The following RANGAP1 variants were observed in gnomAD, a reference collection of about 807,000 sequenced individuals.
RANGAP1 encodes the protein Ran GTPase activating protein 1.
In RANGAP1, 38 loss-of-function variants were observed where a neutral mutation model predicts 63.5. The observed-to-expected ratio is 0.60, with a 90% confidence interval of 0.46 to 0.78. RANGAP1 has a LOEUF of 0.78. RANGAP1 is among the 30% of genes least tolerant of loss of function. The pLI, the probability that RANGAP1 is intolerant of heterozygous loss-of-function variation, is 0.00. For synonymous variants in RANGAP1, 329 were observed against 310.5 expected (o/e 1.06, Z -0.63); for missense variants, 630 against 740.3 (o/e 0.85, Z 1.73).
intron 3 of RANGAP1, among the ~76,000 whole-genome samples, chr22:41,270,940 G>C (rs1255738477): frequency 1.2e-5 from 1 of 85,254 alleles, no homozygotes; most frequent in East Asian, 2.2e-4. Flanking sequence ...CTAATGAGCT[G>C]AACAGTCAGC....
intron 5 of RANGAP1, 111 bp from the exon 6 acceptor site, chr22:41,261,691 GTCAGGGGACGCAGGACTGCTAACAGC>G: frequency 2.2e-6 from 3 of 1,366,062 alleles, no homozygotes; most frequent in Non-Finnish European, 3.0e-6. Context: ...ATCGGTGCAG[GTCAGGGGACGCAGGACTGCTAACAGC>G]TCAACAGTCA....
intron 4 of RANGAP1, among the ~76,000 whole-genome samples, chr22:41,267,706 T>C (rs1171524759): frequency 1.3e-5 from 2 of 152,118 alleles, no homozygotes; most frequent in East Asian, 1.9e-4. Flanking sequence ...TGGGGACGGC[T>C]ACATGGGCTG....
intron 12 of RANGAP1, among the ~76,000 whole-genome samples, chr22:41,251,623 C>T (rs1007823958): frequency 1.4e-5 from 2 of 143,242 alleles, no homozygotes; most frequent in African/African-American, 2.7e-5. Flanking sequence ...AAAACATTGT[C>T]TCAGAAAAAA....
At chr22:41,280,426 C>T (rs2035429949) in intron 2 of RANGAP1, among the ~76,000 whole-genome samples, 1 of 152,222 alleles carries the variant, frequency 6.6e-6, no homozygotes, top group Admixed American at 6.5e-5. Flanking sequence ...TCTGTGGTTG[C>T]AATACCTGTA....
chr22:41,269,087 G>GT (rs921787905), intron 3 of RANGAP1, among the ~76,000 whole-genome samples: 7 of 151,650 alleles, frequency 4.6e-5, no homozygotes, highest in South Asian at 2.1e-4. Flanking sequence ...TGTTTTCTTC[G>GT]TTTTTTTTAA....
chr22:41,285,139 A>AG (rs2035687666), intron 1 of RANGAP1: 1 of 152,236 alleles, frequency 6.6e-6, no homozygotes, highest in African/African-American at 2.4e-5. Context: ...CCTGGGTGAC[A>AG]GAAGGAGACC....
Position 41,286,069 on chromosome 22 carries a change from C to G in RANGAP1, c.-122G>C, listed in dbSNP as rs1022301936. The G allele has an allele frequency of 1.3e-5, 2 of 152,362 alleles. No homozygotes were observed. The highest frequency in any genetic ancestry group is 6.5e-5 in the Admixed American group (1 of 15,290). The allele number at this position is 152,362 out of a possible 1,614,324, so 9.4% of individuals were successfully genotyped here. A position where few individuals can be genotyped will look rare whatever the true frequency, so the allele number is the denominator to read the frequency against. ...GCGGGGACGGATTTAGGGTCCGGGT[C>G]AGGCCGGGGTCGCCACCTCCGGATC... On this transcript the variant is annotated 5_prime_UTR_variant, in exon 1 of 16. Transcript: ENST00000356244.
the RANGAP1 span, among the ~76,000 whole-genome samples, chr22:41,291,455 A>G: frequency 2.0e-5 from 3 of 151,596 alleles, no homozygotes; most frequent in African/African-American, 4.8e-5. Context: ...AAAATTAGCC[A>G]GGCACTGTGG....
chr22:41,255,452 C>A (rs2033764903), intron 10 of RANGAP1, among the ~76,000 whole-genome samples: 1 of 152,020 alleles, frequency 6.6e-6, no homozygotes, highest in Non-Finnish European at 1.5e-5. Context: ...AGGTAGACTC[C>A]CCAGGCCCCA....
Position 41,274,714 on chromosome 22 carries a change from A to C in RANGAP1, c.126T>G (p.Ile42Met). 3 of 1,614,058 alleles carry C rather than the reference A, an allele frequency of 1.9e-6. No homozygotes were observed. The highest frequency in any genetic ancestry group is 2.5e-6 in the Non-Finnish European group (3 of 1,179,996). Residue 42 changes from isoleucine (I) to methionine (M), a missense_variant, in exon 3 of 16, where the codon ATT becomes ATG. Physicochemically the swap from Ile to Met is conservative, Grantham distance 10. Around this residue, in one of 3 missense-constraint regions of RANGAP1, gnomAD observed 65 missense variants for 60.5 expected, o/e 1.07. Transcript: ENST00000356244. ...LNTAEDAKDV[I>M]KEIEDFDSLE... Reference sequence around the variant, plus strand: ...AGCTGTCAAAGTCTTCAATCTCTTTAATCACATCTTTAGCTGCCAGGGACC... The same window carrying C: ...AGCTGTCAAAGTCTTCAATCTCTTTCATCACATCTTTAGCTGCCAGGGACC...
At chr22:41,300,434 A>T in the RANGAP1 span, among the ~76,000 whole-genome samples, 5 of 65,608 alleles carry the variant, frequency 7.6e-5, no homozygotes, top group Non-Finnish European at 1.3e-4. Flanking sequence ...GAACTCACAC[A>T]CACACACACA....
At chr22:41,264,227 T>C (rs2034333265) in intron 5 of RANGAP1, among the ~76,000 whole-genome samples, 1 of 152,166 alleles carries the variant, frequency 6.6e-6, no homozygotes, top group Non-Finnish European at 1.5e-5. Context: ...TACACTGACC[T>C]TGCCTGAGGA....
upstream of RANGAP1, among the ~76,000 whole-genome samples, chr22:41,286,503 C>T (rs573486155): frequency 6.6e-6 from 1 of 152,268 alleles, no homozygotes; most frequent in Non-Finnish European, 1.5e-5. Context: ...GCGTTGCACC[C>T]AGGTCCCTCA....
chr22:41,278,958 C>T (rs1370743663), intron 2 of RANGAP1, among the ~76,000 whole-genome samples: 4 of 151,950 alleles, frequency 2.6e-5, no homozygotes, highest in Non-Finnish European at 4.4e-5. Context: ...CTAACTAACA[C>T]GGTGAAACCC....
chr22:41,250,861 C>G, intron 13 of RANGAP1, 146 bp downstream of exon 13: 1 of 643,842 alleles, frequency 1.6e-6, no homozygotes. Context: ...CACGGCAGGA[C>G]CCTGACGGAG....
At chr22:41,260,305 G>A (rs2034090892) in intron 6 of RANGAP1, among the ~76,000 whole-genome samples, 2 of 152,270 alleles carry the variant, frequency 1.3e-5, no homozygotes, top group African/African-American at 4.8e-5. Flanking sequence ...CCAGTGCACT[G>A]AGGACAGCAG....
chr22:41,249,233 T>C, intron 15 of RANGAP1, 97 bp downstream of exon 15: 1 of 1,453,980 alleles, frequency 6.9e-7, no homozygotes, highest in Non-Finnish European at 9.1e-7. Context: ...GCAGGCTGGC[T>C]GGGCTGGGGC....
At chr22:41,278,401 C>T (rs1305539062) in intron 2 of RANGAP1, among the ~76,000 whole-genome samples, 3 of 152,214 alleles carry the variant, frequency 2.0e-5, no homozygotes, top group Admixed American at 2.0e-4. Flanking sequence ...TGTCATACCA[C>T]CTCCCTAAAC....
intron 3 of RANGAP1, among the ~76,000 whole-genome samples, chr22:41,273,791 A>AAAAAAAAAAAAAAAC (rs2034978242): frequency 2.8e-5 from 4 of 140,870 alleles, no homozygotes; most frequent in South Asian, 2.3e-4. Flanking sequence ...AAAAAAAAAA[A>AAAAAAAAAAAAAAAC]AAGGCCGGGA....
Sources: allele counts gnomAD v4.1 joint callset (sites outside exome capture counted in the v4.1 genomes callset), GRCh38; gene constraint gnomAD v4.1.1; regional missense constraint gnomAD v4.1.1; transcripts MANE v1.5; gene names NCBI Gene and HGNC (gene_info 2026-07-23, HGNC 2026-07-21).